TENT5D: variants seen among roughly 807,000 people sequenced by gnomAD.
TENT5D encodes the protein terminal nucleotidyltransferase 5D.
For missense variants in TENT5D, 191 were observed against 287.0 expected (o/e 0.67, Z 2.42); for synonymous variants, 103 against 100.6 (o/e 1.02, Z -0.15).
In TENT5D at chrX:80,356,080, T is replaced by C. The variant is rs752139989; in HGVS notation, c.-142+13516T>C. On this transcript the variant is annotated intron_variant, in intron 3 of 4. Coordinates refer to the TENT5D transcript ENST00000538312. ...CACTTTAAATATTTTGAGGTTTTGTTATTACTTTTTTATATTAGAGCTATT... is the reference window on the plus strand; with the variant it reads ...CACTTTAAATATTTTGAGGTTTTGTCATTACTTTTTTATATTAGAGCTATT... 2.0e-4 allele frequency among the ~76,000 whole-genome samples: 22 copies of C among 112,246 alleles called. No individual in the cohort carries two copies. In the Admixed American group the frequency reaches 2.0e-3, roughly 10 times the overall value.
chrX:80,399,361 G>A (rs1304243400), intron 3 of TENT5D, among the ~76,000 whole-genome samples: 6 of 111,896 alleles, frequency 5.4e-5, no homozygotes, highest in South Asian at 3.7e-4. Flanking sequence ...ACTTATTGGA[G>A]GGGTTGTCAT....
At chrX:80,377,815 T>A (rs747581037) in intron 3 of TENT5D, among the ~76,000 whole-genome samples, 5 of 111,988 alleles carry the variant, frequency 4.5e-5, no homozygotes, top group Admixed American at 9.5e-5. Flanking sequence ...CGCCACACTG[T>A]CTTCCACAAT....
At position 80,432,841 on chromosome X, in the gene TENT5D, G is replaced by A. The variant is rs142054982; in HGVS notation, c.-141-5769G>A. The stretch of plus-strand genomic sequence containing the variant: ...GTTGCCCACCATGAGGTTGGGGTCC[G>A]GGGTTTTTATGGACTGGGAAGGGAA... On this transcript the variant is annotated intron_variant, in intron 1 of 2. Coordinates refer to ENST00000308293, the Ensembl canonical transcript of TENT5D. Among the ~76,000 whole-genome samples the A allele has an allele frequency of 3.7e-3, 414 of 110,762 alleles. 4 individuals carry two copies. Among genetic ancestry groups the A allele is most frequent in the African/African-American group, 0.013 (398 of 30,427 alleles).
chrX:80,402,794 G>A (rs889119461), intron 3 of TENT5D, among the ~76,000 whole-genome samples: 2 of 111,847 alleles, frequency 1.8e-5, no homozygotes, highest in Non-Finnish European at 3.8e-5. Context: ...GACTTGTCTC[G>A]TAGGCTAACA....
At chrX:80,372,755 C>T (rs774275101) in intron 3 of TENT5D, among the ~76,000 whole-genome samples, 1 of 109,295 alleles carries the variant, frequency 9.1e-6, no homozygotes, top group South Asian at 4.0e-4. Flanking sequence ...AGCGTGGTGG[C>T]ACGCACCTGT....
chrX:80,359,108 C>A (rs1310144427), intron 3 of TENT5D, among the ~76,000 whole-genome samples: 4 of 112,057 alleles, frequency 3.6e-5, no homozygotes, highest in African/African-American at 1.3e-4. Flanking sequence ...AATGAGATAC[C>A]ATCTCACAGC....
intron 3 of TENT5D, among the ~76,000 whole-genome samples, chrX:80,399,465 G>T (rs753209421): frequency 9.0e-6 from 1 of 111,619 alleles, no homozygotes; most frequent in African/African-American, 3.3e-5. Flanking sequence ...CCCATTGGTC[G>T]ATGTGTCTGT....
At chrX:80,375,520 G>GT (rs1355112101) in intron 3 of TENT5D, among the ~76,000 whole-genome samples, 1 of 111,125 alleles carries the variant, frequency 9.0e-6, no homozygotes, top group Non-Finnish European at 1.9e-5. Flanking sequence ...AGTCCTCATT[G>GT]TTTACAGGTT....
At chrX:80,420,664 T>A (rs1931865340) in intron 1 of TENT5D, 101 bp downstream of exon 1, 1 of 112,350 alleles carries the variant, frequency 8.9e-6, no homozygotes, top group South Asian at 3.6e-4. Flanking sequence ...ACTTATTTGA[T>A]TCAACTAAAA....
upstream of TENT5D, among the ~76,000 whole-genome samples, chrX:80,416,918 T>G (rs1424228295): frequency 1.8e-5 from 2 of 111,391 alleles, no homozygotes. Context: ...CTCCTGCTAT[T>G]ATTGTGTGGT....
chrX:80,416,353 T>C (rs1356935634), upstream of TENT5D, among the ~76,000 whole-genome samples: 9 of 108,214 alleles, frequency 8.3e-5, no homozygotes, highest in Non-Finnish European at 1.5e-4. Context: ...AATTTGCTTT[T>C]GTTTTTATTT....
intron 3 of TENT5D, among the ~76,000 whole-genome samples, chrX:80,358,541 A>G (rs1203449266): frequency 6.2e-5 from 7 of 112,384 alleles, no homozygotes; most frequent in Non-Finnish European, 1.3e-4. Context: ...CCAAGAGTTT[A>G]CCTTTTGCGT....
At chrX:80,409,334 G>A (rs1374795293) in intron 3 of TENT5D, among the ~76,000 whole-genome samples, 4 of 110,656 alleles carry the variant, frequency 3.6e-5, no homozygotes, top group Admixed American at 9.6e-5. Context: ...CGACATGATT[G>A]TATATCTAGA....
At chrX:80,390,443 G>A (rs1296525753) in intron 3 of TENT5D, among the ~76,000 whole-genome samples, 1 of 111,819 alleles carries the variant, frequency 8.9e-6, no homozygotes, top group Non-Finnish European at 1.9e-5. Context: ...AGTAGGCAGA[G>A]ACTTGGCATA....
chrX:80,339,950 A>T (rs769222603), intron 2 of TENT5D, among the ~76,000 whole-genome samples: 1 of 109,583 alleles, frequency 9.1e-6, no homozygotes, highest in South Asian at 3.9e-4. Context: ...AATATCCAAG[A>T]CATATAATTT....
At chrX:80,431,308 A>G (rs1251420403) in intron 1 of TENT5D, among the ~76,000 whole-genome samples, 1 of 111,291 alleles carries the variant, frequency 9.0e-6, no homozygotes, top group African/African-American at 3.3e-5. Flanking sequence ...GAGAGAAAAA[A>G]TTGGGGGAAC....
At chrX:80,385,643 G>A (rs1186452163) in intron 3 of TENT5D, among the ~76,000 whole-genome samples, 5 of 111,512 alleles carry the variant, frequency 4.5e-5, no homozygotes, top group Non-Finnish European at 9.4e-5. Context: ...GCAACCTACA[G>A]AATGGGAGAA....
intron 3 of TENT5D, among the ~76,000 whole-genome samples, chrX:80,413,119 A>G (rs1238158004): frequency 1.8e-5 from 2 of 111,983 alleles, no homozygotes; most frequent in Non-Finnish European, 3.8e-5. Context: ...ACGTATGCTG[A>G]CAATTGTGAA....
intron 3 of TENT5D, among the ~76,000 whole-genome samples, chrX:80,367,808 G>C (rs1316066395): frequency 9.0e-6 from 1 of 111,674 alleles, no homozygotes; most frequent in Non-Finnish European, 1.9e-5. Flanking sequence ...TGAACTCATG[G>C]AGATAAAGAG....
Sources: gnomAD v4.1 joint callset for allele counts (sites outside exome capture counted in the v4.1 genomes callset) on GRCh38, gnomAD v4.1.1 for gene constraint, MANE v1.5 for transcripts, NCBI Gene and HGNC (gene_info 2026-07-23, HGNC 2026-07-21) for gene names.